Variants in MALRD1 observed in about 807,000 individuals in gnomAD.
MALRD1 encodes MAM and LDL receptor class A domain containing 1.
Under a neutral mutation model 242.1 loss-of-function variants are expected in MALRD1, and 247 were observed. The ratio of observed to expected loss-of-function variants is 1.02; its 90% CI spans 0.92 to 1.13. The LOEUF (loss-of-function observed/expected upper bound fraction) is 1.13, where lower values mean the gene tolerates loss of function less well. Ranked by LOEUF, MALRD1 falls within the 50% of genes most tolerant of loss-of-function variation. The pLI is 0.00. For missense variants in MALRD1, 2,989 were observed against 2,533.1 expected, an observed-to-expected ratio of 1.18 and a Z score of -3.86; for synonymous variants, 995 against 866.6, an observed-to-expected ratio of 1.15 and a Z score of -2.60.
chr10:19,151,655 T>G (rs1243817619), intron 11 of MALRD1, among the ~76,000 whole-genome samples: 2 of 152,158 alleles, frequency 1.3e-5, no homozygotes, highest in African/African-American at 4.8e-5. Context: ...CCATGCTTAC[T>G]GAAAAATTGT....
In MALRD1 at chr10:19,389,531, A is replaced by G; in HGVS notation, c.4767A>G (p.Glu1589=). Residue 1589 remains glutamate, a synonymous_variant, in exon 28 of 40, where the codon GAA becomes GAG. Transcript: ENST00000454679. ...KAHFRSTMWR[E]SSAACTMSFW... is the part of the protein sequence containing the mutation. ...ACTTCAGGAGTACCATGTGGCGAGAATCCAGTGCAGCCTGCACCATGAGCT... is the reference window on the plus strand; with the variant it reads ...ACTTCAGGAGTACCATGTGGCGAGAGTCCAGTGCAGCCTGCACCATGAGCT... The G allele has an allele frequency of 2.6e-6, 4 of 1,550,690 alleles. No homozygotes were observed. Among genetic ancestry groups the G allele is most frequent in the Non-Finnish European group, 3.5e-6 (4 of 1,146,968 alleles).
intron 25 of MALRD1, among the ~76,000 whole-genome samples, chr10:19,350,325 C>CAGTA (rs1844321233): frequency 7.3e-6 from 1 of 136,244 alleles, no homozygotes; most frequent in South Asian, 2.2e-4. Flanking sequence ...GGCTGGAGTG[C>CAGTA]AGTAGTGTGA....
intron 21 of MALRD1, among the ~76,000 whole-genome samples, chr10:19,303,749 TAATCTTCAA>T (rs1252992355): frequency 2.6e-5 from 4 of 151,748 alleles, no homozygotes; most frequent in Admixed American, 2.6e-4. Flanking sequence ...TTTTTTAAAA[TAATCTTCAA>T]AATCCAGTGT....
At chr10:19,099,090 A>G (rs1427826980) in intron 4 of MALRD1, among the ~76,000 whole-genome samples, 1 of 152,156 alleles carries the variant, frequency 6.6e-6, no homozygotes, top group Non-Finnish European at 1.5e-5. Context: ...GCATGTGGTA[A>G]TAAAAGGGAA....
At chr10:19,592,371 C>A (rs1837835976) in intron 33 of MALRD1, among the ~76,000 whole-genome samples, 1 of 152,232 alleles carries the variant, frequency 6.6e-6, no homozygotes, top group Non-Finnish European at 1.5e-5. Flanking sequence ...TACATTGAGG[C>A]ATAGGGCCTG....
At chr10:19,198,846 A>T (rs536441583) in intron 14 of MALRD1, among the ~76,000 whole-genome samples, 43 of 152,290 alleles carry the variant, frequency 2.8e-4, no homozygotes, top group African/African-American at 1.0e-3. Flanking sequence ...ACTTTTGCAA[A>T]CATTCCCTTA....
chr10:19,730,450 T>A (rs1327474740), intron 38 of MALRD1: 3 of 501,148 alleles, frequency 6.0e-6, no homozygotes, highest in Admixed American at 3.2e-5. Flanking sequence ...TTGCAATTTC[T>A]TTTATTTGCC....
chr10:19,186,790 C>A (rs1418667546), intron 14 of MALRD1, among the ~76,000 whole-genome samples: 1 of 151,904 alleles, frequency 6.6e-6, no homozygotes, highest in African/African-American at 2.4e-5. Flanking sequence ...CTTTTTGTTG[C>A]TTATCTGCTG....
intron 32 of MALRD1, among the ~76,000 whole-genome samples, chr10:19,537,619 A>T (rs1367941879): frequency 6.6e-6 from 1 of 152,224 alleles, no homozygotes; most frequent in African/African-American, 2.4e-5. Flanking sequence ...CTCTCAGCAG[A>T]AGATGAGTAA....
chr10:19,270,707 G>A (rs115859703), intron 19 of MALRD1, among the ~76,000 whole-genome samples: 2,350 of 151,812 alleles, frequency 0.015, 65 homozygotes, highest in African/African-American at 0.054. Flanking sequence ...AGAAGTCAGA[G>A]GACAGATATA....
intron 26 of MALRD1, among the ~76,000 whole-genome samples, chr10:19,383,218 A>C (rs1271028560): frequency 2.0e-5 from 3 of 152,068 alleles, no homozygotes; most frequent in Non-Finnish European, 4.4e-5. Flanking sequence ...TCCACCCTCA[A>C]GTAAGCCCTG....
intron 21 of MALRD1, among the ~76,000 whole-genome samples, chr10:19,313,145 GCA>G (rs1370277817): frequency 1.3e-5 from 2 of 151,368 alleles, no homozygotes; most frequent in Non-Finnish European, 3.0e-5. Context: ...TATAACATTT[GCA>G]CATCAATCTG....
chr10:19,243,184 CAT>C (rs1378805731), intron 18 of MALRD1, among the ~76,000 whole-genome samples: 4 of 150,932 alleles, frequency 2.7e-5, no homozygotes, highest in African/African-American at 9.8e-5. Context: ...ACTTCTGTCA[CAT>C]AAAAATACTC....
intron 26 of MALRD1, among the ~76,000 whole-genome samples, chr10:19,354,379 G>A (rs7908044): frequency 0.57 from 85,965 of 151,846 alleles, 24,478 homozygotes; most frequent in Middle Eastern, 0.6. Flanking sequence ...GGAAAAAAAT[G>A]CCTTGAATAA....
Position 19,288,864 on chromosome 10 carries a change from T to C in MALRD1, c.3419+5683T>C, listed in dbSNP as rs550211377. Among the ~76,000 whole-genome samples the C allele has an allele frequency of 6.6e-5, 10 of 152,222 alleles. No homozygotes were observed. In the East Asian group the frequency reaches 1.2e-3, roughly 18 times the overall value. On this transcript the variant is annotated intron_variant, in intron 21 of 39. Transcript: ENST00000454679. ...CTTCAAAGAAAACTAATGGTGTCTC[T>C]GCTGCTCTGTGTGGGACCTCCTTCT...
Position 19,546,134 on chromosome 10 carries a change from G to T in MALRD1, c.5478+14783G>T, listed in dbSNP as rs949677161. ...TTTTACAGTTTTTCACAACTGTCTGGTTACTTAGTGTTCTATTTCTATAGA... is the reference window on the plus strand; with the variant it reads ...TTTTACAGTTTTTCACAACTGTCTGTTTACTTAGTGTTCTATTTCTATAGA... On this transcript the variant is annotated intron_variant, in intron 32 of 39. Coordinates refer to ENST00000454679, the MANE Select transcript of MALRD1 (RefSeq NM_001142308.3). Among the ~76,000 whole-genome samples the T allele has an allele frequency of 2.6e-5, 4 of 152,064 alleles. 1 individual carries two copies. Among genetic ancestry groups the T allele is most frequent in the African/African-American group, 2.4e-5 (1 of 41,400 alleles).
chr10:19,655,699 G>C (rs958584175), intron 36 of MALRD1, among the ~76,000 whole-genome samples: 2 of 151,766 alleles, frequency 1.3e-5, no homozygotes, highest in South Asian at 2.1e-4. Context: ...TTTTCTTTTA[G>C]AGTAGGTAGT....
intron 34 of MALRD1, among the ~76,000 whole-genome samples, chr10:19,596,937 G>A (rs939968558): frequency 6.6e-6 from 1 of 151,950 alleles, no homozygotes; most frequent in Non-Finnish European, 1.5e-5. Context: ...CTATTTTAGG[G>A]TCCTGTGTAA....
At chr10:19,238,411 A>G (rs866561886) in intron 18 of MALRD1, among the ~76,000 whole-genome samples, 1 of 83,964 alleles carries the variant, frequency 1.2e-5, no homozygotes, top group African/African-American at 5.2e-5. Context: ...ATTATGTATA[A>G]TATATAATAT....
Sources: allele counts gnomAD v4.1 joint callset (sites outside exome capture counted in the v4.1 genomes callset), GRCh38; gene constraint gnomAD v4.1.1; transcripts MANE v1.5; gene names NCBI Gene and HGNC (gene_info 2026-07-23, HGNC 2026-07-21).